The following CARS2 variants were observed in gnomAD, a reference collection of about 807,000 sequenced individuals.
The protein encoded by CARS2 is probable cysteine--tRNA ligase, mitochondrial.
In CARS2, 52 loss-of-function variants were observed where a neutral mutation model predicts 68.8. The observed-to-expected ratio is 0.76, with a 90% CI of 0.61 to 0.95. CARS2 has a LOEUF of 0.95. Among genes scored for constraint, CARS2 ranks in the 40% least tolerant of loss-of-function variants. The pLI is 0.00. For missense variants in CARS2, 780 were observed against 754.2 expected (o/e 1.03, Z -0.40); for synonymous variants, 314 against 303.6 (o/e 1.03, Z -0.36).
intron 7 of CARS2, among the ~76,000 whole-genome samples, chr13:110,672,430 T>C (rs2062827816): frequency 6.6e-6 from 1 of 152,166 alleles, no homozygotes; most frequent in Admixed American, 6.6e-5. Flanking sequence ...ACCTCTCAAC[T>C]ACATGGAAAC....
At chr13:110,650,899 A>T (rs1365144308) in intron 10 of CARS2, 135 bp downstream of exon 10, 1 of 675,060 alleles carries the variant, frequency 1.5e-6, no homozygotes, top group East Asian at 2.7e-5. Flanking sequence ...TCTCAACCCG[A>T]ACCGTAAGGC....
chr13:110,713,371 T>G (rs1006044080), exon 1 of CARS2: 221 of 1,053,772 alleles, frequency 2.1e-4, no homozygotes, highest in Non-Finnish European at 2.3e-4. Flanking sequence ...AGCAGGCCGC[T>G]CCCCTGCGTT....
rs543529135 is a variant in CARS2, at chr13:110,713,181, TG to T, written n.354del. On this transcript the variant is annotated non_coding_transcript_exon_variant, in exon 1 of 3. Coordinates refer to the CARS2 transcript ENST00000485188. ...CATCGTGATTGGGCTGTCAAAGTGA[TG>T]TTGGCAAGTAGATTGGCTACTGCGG... The T allele has an allele frequency of 7.6e-4, 1,082 of 1,427,104 alleles. 6 individuals carry two copies. In the African/African-American group the frequency reaches 0.014, roughly 18 times the overall value. 88.4% of individuals were successfully genotyped at this position (1,427,104 alleles called of 1,614,324 possible).
Position 110,705,282 on chromosome 13 carries a change from A to C in CARS2, c.275+239T>G, listed in dbSNP as rs1454993552. Among the ~76,000 whole-genome samples, 4 of 152,296 alleles carry C rather than the reference A, an allele frequency of 2.6e-5. No individual in the cohort carries two copies. The South Asian group carries it at 8.3e-4, about 32-fold the overall frequency. On this transcript the variant is annotated intron_variant, in intron 2 of 14. Transcript: ENST00000257347. This position sits in a 1 kb window ranked among gnomAD's most constrained non-coding sequence, Gnocchi z 4.0. ...ACCCAGCAAAAAACATCTAGTTCCA[A>C]AACGGGTCATTTTTCAGTGCTCCAT...
intron 1 of CARS2, chr13:110,712,647 A>T (rs1488940171): frequency 1.7e-6 from 1 of 577,830 alleles, no homozygotes; most frequent in South Asian, 1.6e-5. Context: ...GACGCGGGGG[A>T]GGGCGGTCCG....
chr13:110,644,837 T>C, intron 12 of CARS2: 1 of 240,704 alleles, frequency 4.2e-6, no homozygotes, highest in East Asian at 8.3e-5. Context: ...GAAATCCTGG[T>C]ACGTGGCTCA....
chr13:110,667,528 T>C, intron 7 of CARS2, 55 bp from the exon 8 acceptor site: 1 of 1,536,090 alleles, frequency 6.5e-7, no homozygotes, highest in South Asian at 1.2e-5. Context: ...CATATTTTCT[T>C]CTAACCTCGT....
At chr13:110,647,370 A>G (rs1888283353) in intron 10 of CARS2, 131 bp from the exon 11 acceptor site, 2 of 1,160,756 alleles carry the variant, frequency 1.7e-6, no homozygotes, top group Non-Finnish European at 1.2e-6. Context: ...TGTGGCTCTC[A>G]CGCCCTCCAG....
At chr13:110,643,195 T>C (rs759768551) in intron 13 of CARS2, 12 of 181,862 alleles carry the variant, frequency 6.6e-5, no homozygotes, top group Non-Finnish European at 1.3e-4. Context: ...GGCCCAGACA[T>C]TGGGCCTTGC....
In CARS2 at chr13:110,677,415, G is replaced by A. The variant is rs111861692; in HGVS notation, c.656-312C>T. Among the ~76,000 whole-genome samples the A allele has an allele frequency of 3.0e-4, 43 of 145,264 alleles. 1 individual carries two copies. The highest frequency in any genetic ancestry group is 9.9e-4 in the African/African-American group (38 of 38,276). ...AAACCCAGACAGTCACCCTTACCAC[G>A]GAAACCCAATCACCCCCACCATGGA... On this transcript the variant is annotated intron_variant, in intron 6 of 14. Transcript: ENST00000257347.
rs1385479535 is a variant in CARS2, at chr13:110,670,832, T to C, written c.786-3359A>G. Among the ~76,000 whole-genome samples, 2 of 152,088 alleles carry C rather than the reference T, an allele frequency of 1.3e-5. No homozygotes were observed. The highest frequency in any genetic ancestry group is 2.9e-5 in the Non-Finnish European group (2 of 68,006). Reference sequence around the variant, plus strand: ...AAACCTTCAAAAAAGATTAGACGAATGGCTAACCAGAATAAACAGCATAGA... The same window carrying C: ...AAACCTTCAAAAAAGATTAGACGAACGGCTAACCAGAATAAACAGCATAGA... On this transcript the variant is annotated intron_variant, in intron 7 of 14. Coordinates refer to ENST00000257347, the MANE Select transcript of CARS2 (RefSeq NM_024537.4). This position sits in a 1 kb window ranked among gnomAD's most constrained non-coding sequence, Gnocchi z 4.1.
At chr13:110,682,350 C>T (rs1025310043) in intron 6 of CARS2, among the ~76,000 whole-genome samples, 5 of 152,216 alleles carry the variant, frequency 3.3e-5, no homozygotes, top group East Asian at 1.9e-4. Flanking sequence ...GTCTGTGTTC[C>T]GGCCTGTGCG....
chr13:110,705,993 G>T lies in CARS2; in HGVS notation c.101C>A (p.Ala34Glu). Residue 34 changes from alanine (A) to glutamate (E), a missense_variant, in exon 1 of 15, where the codon GCG becomes GAG. Coordinates refer to ENST00000257347, the MANE Select transcript of CARS2 (RefSeq NM_024537.4). This position sits in a 1 kb window ranked among gnomAD's most constrained non-coding sequence, Gnocchi z 4.0. The stretch of plus-strand genomic sequence containing the variant: ...CCAGGCCCGCCCGCGCCCCCCGCTC[G>T]CCGCCCGGCCCGCAGGCCAGTGCCA... Reference protein sequence around the residue: ...AGWHWPAGRAASGGRGRAWLQ... With the variant: ...AGWHWPAGRAESGGRGRAWLQ... 1 of 1,500,076 alleles carries T rather than the reference G, an allele frequency of 6.7e-7. No homozygotes were observed. 92.9% of individuals were successfully genotyped at this position (1,500,076 alleles called of 1,614,324 possible).
intron 7 of CARS2, among the ~76,000 whole-genome samples, 189 bp from the exon 8 acceptor site, chr13:110,667,662 C>T (rs2062686437): frequency 6.6e-6 from 1 of 152,234 alleles, no homozygotes; most frequent in Non-Finnish European, 1.5e-5. Flanking sequence ...GCCCGTAATT[C>T]ATGACTTTTC....
At chr13:110,663,141 C>T (rs1406598227) in intron 9 of CARS2, 12 of 525,566 alleles carry the variant, frequency 2.3e-5, no homozygotes, top group Admixed American at 9.2e-5. Flanking sequence ...TCAGCAGATG[C>T]ACCAAGAGGG....
chr13:110,650,846 C>T (rs116168677), intron 10 of CARS2, 188 bp downstream of exon 10: 6 of 537,974 alleles, frequency 1.1e-5, no homozygotes, highest in Non-Finnish European at 2.0e-5. Flanking sequence ...CACTGTGGGC[C>T]GGGCCCAGAC....
chr13:110,647,251 G>A lies in CARS2; in HGVS notation c.1055-12C>T, dbSNP rs1290450695. On this transcript the variant is annotated splice_polypyrimidine_tract_variant and intron_variant, in intron 10 of 14. Coordinates refer to ENST00000257347, the MANE Select transcript of CARS2 (RefSeq NM_024537.4). ...ACTGTAGTCGATGGCTGAGGAGGAAGAGATGGTCACTGAGGCGGTGCCCAC... is the reference window on the plus strand; with the variant it reads ...ACTGTAGTCGATGGCTGAGGAGGAAAAGATGGTCACTGAGGCGGTGCCCAC... 1 of 1,610,284 alleles carries A rather than the reference G, an allele frequency of 6.2e-7. No homozygotes were observed. The highest frequency in any genetic ancestry group is 1.3e-5 in the African/African-American group (1 of 74,908).
At chr13:110,691,552 A>C (rs867767594) in intron 3 of CARS2, among the ~76,000 whole-genome samples, 7 of 152,272 alleles carry the variant, frequency 4.6e-5, no homozygotes, top group Middle Eastern at 3.4e-3. Flanking sequence ...TTTTATATTT[A>C]AATCTCTGAC....
chr13:110,700,202 T>C (rs192433386), intron 3 of CARS2, among the ~76,000 whole-genome samples: 2 of 152,118 alleles, frequency 1.3e-5, no homozygotes, highest in Non-Finnish European at 2.9e-5. Context: ...CTACAATCCT[T>C]GACAGTGTCA....
Sources: allele counts gnomAD v4.1 joint callset (sites outside exome capture counted in the v4.1 genomes callset), GRCh38; gene constraint gnomAD v4.1.1; non-coding constraint Gnocchi (gnomAD v3.1); transcripts MANE v1.5; gene names NCBI Gene and HGNC (gene_info 2026-07-23, HGNC 2026-07-21).